The following NUP37 variants were observed in gnomAD, a reference collection of about 807,000 sequenced individuals.
The protein encoded by NUP37 is nucleoporin 37.
A neutral mutation model predicts 45.4 loss-of-function variants in NUP37; 33 were observed. The observed-to-expected ratio is 0.73, with a 90% CI of 0.55 to 0.97. NUP37 has a LOEUF of 0.97. Ranked by LOEUF, NUP37 falls within the 50% of genes least tolerant of loss-of-function variation. The pLI, the probability that NUP37 is intolerant of heterozygous loss-of-function variation, is 0.00. For missense variants in NUP37, 365 were observed against 389.7 expected (o/e 0.94, Z 0.53); for synonymous variants, 127 against 130.7 (o/e 0.97, Z 0.19).
At chr12:102,096,274 C>T (rs911620727) in intron 5 of NUP37, among the ~76,000 whole-genome samples, 1 of 152,090 alleles carries the variant, frequency 6.6e-6, no homozygotes, top group African/African-American at 2.4e-5. Flanking sequence ...TAAACTTGCA[C>T]AGATCATAGA....
At chr12:102,081,199 A>T (rs189233693) in intron 6 of NUP37, among the ~76,000 whole-genome samples, 101 of 152,346 alleles carry the variant, frequency 6.6e-4, no homozygotes, top group Non-Finnish European at 1.3e-3. Flanking sequence ...TTTTGGCACA[A>T]AGCAGGCACT....
At chr12:102,110,367 G>A (rs994348481) in intron 3 of NUP37, among the ~76,000 whole-genome samples, 6 of 150,552 alleles carry the variant, frequency 4.0e-5, no homozygotes, top group Admixed American at 4.0e-4. Context: ...CGGGAGTGGT[G>A]GTGCATGCCT....
intron 9 of NUP37, 39 bp from the exon 10 acceptor site, chr12:102,074,506 C>A: frequency 8.7e-7 from 1 of 1,150,346 alleles, no homozygotes; most frequent in Admixed American, 2.3e-5. Flanking sequence ...CACAGTAAGT[C>A]CCCAAAATTA....
At chr12:102,087,571 C>T (rs937987316) in intron 5 of NUP37, among the ~76,000 whole-genome samples, 9 of 152,134 alleles carry the variant, frequency 5.9e-5, no homozygotes, top group African/African-American at 1.9e-4. Flanking sequence ...TCACTCCCCA[C>T]GATGAATTAG....
intron 6 of NUP37, among the ~76,000 whole-genome samples, chr12:102,081,270 A>G (rs777848049): frequency 6.6e-6 from 1 of 152,198 alleles, no homozygotes; most frequent in African/African-American, 2.4e-5. Context: ...CTAACAAAAG[A>G]TTTTTGTTAT....
rs1430622332 is a variant in NUP37 at position 102,076,873 on chromosome 12, T to C, written c.723-26A>G. 1.9e-6 allele frequency: 3 copies of C among 1,568,808 alleles called. No individual in the cohort carries two copies. In the African/African-American group the frequency reaches 4.1e-5, roughly 21 times the overall value. ...CTAAAAGATAATATTTTGCATTTTA[T>C]GAATTATGTGTTAAACTCAAGTGGG... On this transcript the variant is annotated intron_variant, in intron 7 of 9. Coordinates refer to ENST00000552283, the MANE Select transcript of NUP37 (RefSeq NM_024057.4).
chr12:102,091,979 A>G (rs909265310), intron 5 of NUP37, among the ~76,000 whole-genome samples: 1 of 152,214 alleles, frequency 6.6e-6, no homozygotes, highest in African/African-American at 2.4e-5. Context: ...TATTGTCCCA[A>G]TAAATTAACA....
At chr12:102,109,940 C>A (rs1022552672) in intron 3 of NUP37, among the ~76,000 whole-genome samples, 2 of 152,146 alleles carry the variant, frequency 1.3e-5, no homozygotes, top group Non-Finnish European at 2.9e-5. Context: ...GATATTGTGA[C>A]CACTTTCTTT....
intron 6 of NUP37, among the ~76,000 whole-genome samples, chr12:102,083,140 G>A (rs1454508847): frequency 2.6e-5 from 4 of 152,184 alleles, no homozygotes; most frequent in African/African-American, 2.4e-5. Context: ...GCATTAAGAT[G>A]TAAGTTTTGG....
At chr12:102,078,452 T>C (rs1565827962) in intron 6 of NUP37, among the ~76,000 whole-genome samples, 3 of 152,268 alleles carry the variant, frequency 2.0e-5, no homozygotes, top group East Asian at 1.9e-4. Context: ...GTTAGTTATA[T>C]TGTCTAGAAA....
intron 6 of NUP37, among the ~76,000 whole-genome samples, chr12:102,082,708 T>C (rs1879363337): frequency 6.6e-6 from 1 of 152,212 alleles, no homozygotes; most frequent in Admixed American, 6.5e-5. Flanking sequence ...TCTAGGTTTC[T>C]GAGTTTAGCA....
At chr12:102,096,821 T>TA (rs1165039002) in intron 5 of NUP37, among the ~76,000 whole-genome samples, 4 of 152,224 alleles carry the variant, frequency 2.6e-5, no homozygotes, top group Non-Finnish European at 2.9e-5. Context: ...GTTCTGTTTT[T>TA]AAAAAAATCT....
rs537452359 is a variant in NUP37 at position 102,077,089 on chromosome 12, T to A, written c.722+233A>T. ...TCTTATTTTCCAATATAAGTCAACA[T>A]TGCACAGATCCAAGATTTCCTCTTT... On this transcript the variant is annotated intron_variant, in intron 7 of 9. Transcript: ENST00000552283. The A allele has an allele frequency of 1.3e-4, 78 of 616,068 alleles. 1 individual carries two copies. The Admixed American group carries it at 2.2e-3, about 17-fold the overall frequency. The allele number at this position is 616,068 out of a possible 1,614,324, so 38.2% of individuals were successfully genotyped here.
At chr12:102,097,423 T>C (rs1879836092) in intron 5 of NUP37, among the ~76,000 whole-genome samples, 1 of 152,074 alleles carries the variant, frequency 6.6e-6, no homozygotes, top group African/African-American at 2.4e-5. Context: ...TAATGTCCTT[T>C]CTTTTACAAA....
At chr12:102,119,139 T>G (rs1231165348) in intron 1 of NUP37, 2 of 152,248 alleles carry the variant, frequency 1.3e-5, no homozygotes, top group African/African-American at 2.4e-5. Flanking sequence ...CCTCCTGGCT[T>G]GAAGGAGACC....
At chr12:102,115,772 A>G in intron 2 of NUP37, 1 of 932,290 alleles carries the variant, frequency 1.1e-6, no homozygotes, top group South Asian at 5.0e-5. Context: ...TCTTTCTGTC[A>G]GGAATGTGAA....
Position 102,118,566 on chromosome 12 carries a change from C to T in NUP37, c.-48G>A. 6.4e-7 allele frequency: 1 copy of T among 1,567,398 alleles called. No homozygotes were observed. The highest frequency in any genetic ancestry group is 1.4e-5 in the African/African-American group (1 of 73,782). ...GTTGTGAAAATTAAATAGCCTTCTACTGGACAAGGTCACGAAACTGTGGAT... is the reference window on the plus strand; with the variant it reads ...GTTGTGAAAATTAAATAGCCTTCTATTGGACAAGGTCACGAAACTGTGGAT... On this transcript the variant is annotated 5_prime_UTR_variant, in exon 2 of 10. Coordinates refer to ENST00000552283, the MANE Select transcript of NUP37 (RefSeq NM_024057.4).
chr12:102,108,213 T>C (rs1489382148), intron 3 of NUP37, among the ~76,000 whole-genome samples: 3 of 152,088 alleles, frequency 2.0e-5, no homozygotes, highest in Non-Finnish European at 4.4e-5. Context: ...GTGGGCACGA[T>C]CCAACTGGCT....
At chr12:102,098,634 C>G (rs540594514) in intron 5 of NUP37, among the ~76,000 whole-genome samples, 2 of 151,786 alleles carry the variant, frequency 1.3e-5, no homozygotes, top group African/African-American at 2.4e-5. Context: ...CAGGTTCAAG[C>G]GATTCCCTTG....
Sources: gnomAD v4.1 joint callset for allele counts (sites outside exome capture counted in the v4.1 genomes callset) on GRCh38, gnomAD v4.1.1 for gene constraint, MANE v1.5 for transcripts, NCBI Gene and HGNC (gene_info 2026-07-23, HGNC 2026-07-21) for gene names.